Variants in TICAM2 observed in about 807,000 individuals in gnomAD.
The protein encoded by TICAM2 is TIR domain-containing adapter molecule 2.
Under a neutral mutation model 7.3 loss-of-function variants are expected in TICAM2, and 8 were observed. The ratio of observed to expected loss-of-function variants is 1.10; its 90% CI spans 0.65 to 1.99. The LOEUF is 1.99. TICAM2 is among the 30% of genes most tolerant of loss of function. TICAM2 has a pLI of 0.00. For synonymous variants in TICAM2, 113 were observed against 99.6 expected (o/e 1.13, Z -0.80); for missense variants, 304 against 278.8 (o/e 1.09, Z -0.65).
At chr5:115,598,615 A>G (rs1051388439) in intron 1 of TICAM2, among the ~76,000 whole-genome samples, 52 of 152,172 alleles carry the variant, frequency 3.4e-4, no homozygotes, top group African/African-American at 1.2e-3. Context: ...TTTTGATACT[A>G]TTAATAACTT....
chr5:115,586,046 G>C (rs753583452), intron 1 of TICAM2, among the ~76,000 whole-genome samples: 5 of 152,200 alleles, frequency 3.3e-5, no homozygotes, highest in Admixed American at 2.0e-4. Context: ...CTGGAGTGTA[G>C]GAGAAAGGTT....
intron 1 of TICAM2, chr5:115,581,628 A>G (rs755447844): frequency 3.3e-6 from 1 of 299,612 alleles, no homozygotes; most frequent in African/African-American, 2.2e-5. Context: ...TTTTTGTGAT[A>G]GGTACCATAC....
intron 1 of TICAM2, among the ~76,000 whole-genome samples, chr5:115,601,659 T>C (rs932899487): frequency 6.6e-6 from 1 of 152,206 alleles, no homozygotes; most frequent in African/African-American, 2.4e-5. Context: ...CACTGAAAAC[T>C]AGCTCACAGC....
intron 1 of TICAM2, among the ~76,000 whole-genome samples, chr5:115,597,832 G>A (rs552166795): frequency 2.6e-4 from 40 of 152,192 alleles, no homozygotes; most frequent in Middle Eastern, 6.8e-3. Context: ...CTGGAATACC[G>A]CATTTTTGAT....
chr5:115,581,542 T>C (rs1189010834), intron 1 of TICAM2, among the ~76,000 whole-genome samples: 1 of 152,184 alleles, frequency 6.6e-6, no homozygotes, highest in Admixed American at 6.5e-5. Context: ...TTTAATATAA[T>C]AGGAGACATT....
At position 115,578,834 on chromosome 5, in the gene TICAM2, T is replaced by A. The variant is rs1250262563; in HGVS notation, c.*1715A>T. 1 of 152,158 alleles carries A rather than the reference T, an allele frequency of 6.6e-6. No homozygotes were observed. Among genetic ancestry groups the A allele is most frequent in the Non-Finnish European group, 1.5e-5 (1 of 68,022 alleles). 9.4% of individuals were successfully genotyped at this position (152,158 alleles called of 1,614,324 possible). ...AAGAGAAGTGAGTAGTAAGCTACTA[T>A]CAGAACGTTAAGGCTAAGAAAATGT... is the stretch of plus-strand genomic sequence containing the variant. On this transcript the variant is annotated 3_prime_UTR_variant, in exon 2 of 2. Transcript: ENST00000427199.
chr5:115,592,347 AT>A (rs1305347788), intron 1 of TICAM2, among the ~76,000 whole-genome samples: 2 of 152,190 alleles, frequency 1.3e-5, no homozygotes, highest in Non-Finnish European at 2.9e-5. Context: ...GAATTCAATT[AT>A]TTTTTTCTTC....
At chr5:115,584,909 T>G (rs956340322) in intron 1 of TICAM2, among the ~76,000 whole-genome samples, 1 of 151,884 alleles carries the variant, frequency 6.6e-6, no homozygotes, top group Non-Finnish European at 1.5e-5. Context: ...AGAAGAGGAA[T>G]GAAAAAAACA....
Position 115,580,464 on chromosome 5 carries a change from A to T in TICAM2, c.*85T>A. 7.1e-7 allele frequency: 1 copy of T among 1,413,246 alleles called. No individual in the cohort carries two copies. The highest frequency in any genetic ancestry group is 1.6e-5 in the South Asian group (1 of 61,510). The allele number at this position is 1,413,246 out of a possible 1,614,324, so 87.5% of individuals were successfully genotyped here. The stretch of plus-strand genomic sequence containing the variant: ...AAGGTGAAGACTCTCTTTTATTTAA[A>T]CATTTCCTAGAAACTGCTTTCTCAA... On this transcript the variant is annotated 3_prime_UTR_variant, in exon 2 of 2. Transcript: ENST00000427199.
rs1373010234 is a variant in TICAM2, at chr5:115,579,940, G to A, written c.*609C>T. The A allele has an allele frequency of 6.6e-6, 1 of 152,186 alleles. No individual in the cohort carries two copies. Among genetic ancestry groups the A allele is most frequent in the African/African-American group, 2.4e-5 (1 of 41,428 alleles). 9.4% of individuals were successfully genotyped at this position (152,186 alleles called of 1,614,324 possible). ...ATCAAATGGGCTGTGAATCGGTGGT[G>A]GGAAATGCCTCCAAATATGCAGATT... On this transcript the variant is annotated 3_prime_UTR_variant, in exon 2 of 2. Transcript: ENST00000427199.
At chr5:115,594,913 T>A (rs1185693371) in intron 1 of TICAM2, among the ~76,000 whole-genome samples, 2 of 152,112 alleles carry the variant, frequency 1.3e-5, no homozygotes, top group Non-Finnish European at 2.9e-5. Context: ...GGAGACAAGC[T>A]CATCCCCATC....
At chr5:115,587,656 A>C (rs1242795008) in intron 1 of TICAM2, among the ~76,000 whole-genome samples, 2 of 152,178 alleles carry the variant, frequency 1.3e-5, no homozygotes, top group Non-Finnish European at 2.9e-5. Flanking sequence ...TGGTGGTGTC[A>C]TTCACTGAGA....
Position 115,581,318 on chromosome 5 carries a change from A to G in TICAM2, c.-59-3T>C, listed in dbSNP as rs769688450. On this transcript the variant is annotated splice_polypyrimidine_tract_variant and splice_region_variant and intron_variant, in intron 1 of 1. Coordinates refer to ENST00000427199, the MANE Select transcript of TICAM2 (RefSeq NM_021649.7). ...ATTTCTCAGCATTTCTTTTCAATCT[A>G]AAAGAAGTAACAAAACAGAAGAATA... is the stretch of plus-strand genomic sequence containing the variant. The G allele has an allele frequency of 6.3e-7, 1 of 1,594,448 alleles. No homozygotes were observed. Among genetic ancestry groups the G allele is most frequent in the East Asian group, 2.2e-5 (1 of 44,764 alleles).
intron 1 of TICAM2, among the ~76,000 whole-genome samples, chr5:115,585,059 T>C (rs550100595): frequency 2.0e-5 from 3 of 152,298 alleles, no homozygotes; most frequent in African/African-American, 7.2e-5. Context: ...ACTGCCTGAG[T>C]GTAAATCTCC....
chr5:115,593,012 G>A (rs943289307), intron 1 of TICAM2, among the ~76,000 whole-genome samples: 3 of 152,104 alleles, frequency 2.0e-5, no homozygotes, highest in African/African-American at 7.2e-5. Context: ...GTGTGGTGCC[G>A]CATGCCTGTA....
intron 1 of TICAM2, among the ~76,000 whole-genome samples, chr5:115,601,727 C>T (rs959214424): frequency 3.3e-5 from 5 of 152,220 alleles, no homozygotes; most frequent in African/African-American, 1.2e-4. Flanking sequence ...AGTAGGAAAA[C>T]CCATGCCAAA....
chr5:115,589,359 T>A (rs1223324808), intron 1 of TICAM2, among the ~76,000 whole-genome samples: 1 of 152,202 alleles, frequency 6.6e-6, no homozygotes, highest in African/African-American at 2.4e-5. Flanking sequence ...TTCTTAGACT[T>A]CTTAGACACT....
intron 1 of TICAM2, among the ~76,000 whole-genome samples, chr5:115,584,105 A>T (rs1176447312): frequency 6.6e-6 from 1 of 152,076 alleles, no homozygotes; most frequent in South Asian, 2.1e-4. Context: ...GACCACTTTT[A>T]TCAGTTTCTC....
chr5:115,592,225 G>A (rs1056790588), intron 1 of TICAM2, among the ~76,000 whole-genome samples: 1 of 152,158 alleles, frequency 6.6e-6, no homozygotes, highest in Non-Finnish European at 1.5e-5. Flanking sequence ...ACCGTAAAAT[G>A]TAATAAAAAG....
Sources: allele counts gnomAD v4.1 joint callset (sites outside exome capture counted in the v4.1 genomes callset), GRCh38; gene constraint gnomAD v4.1.1; transcripts MANE v1.5; gene names NCBI Gene and HGNC (gene_info 2026-07-23, HGNC 2026-07-21).